Variants in NUP214 observed in about 807,000 individuals in gnomAD.
The protein encoded by NUP214 is nucleoporin 214.
Under a neutral mutation model 196.2 loss-of-function variants are expected in NUP214, and 79 were observed. The observed-to-expected ratio is 0.40, with a 90% CI of 0.34 to 0.49. The LOEUF is 0.49. NUP214 is among the 20% of genes least tolerant of loss of function. The pLI, the probability that NUP214 is intolerant of heterozygous loss-of-function variation, is 0.58. For synonymous variants in NUP214, 1,020 were observed against 990.5 expected, an observed-to-expected ratio of 1.03 and a Z score of -0.56; for missense variants, 2,468 against 2,539.0, an observed-to-expected ratio of 0.97 and a Z score of 0.60.
intron 18 of NUP214, among the ~76,000 whole-genome samples, chr9:131,161,527 G>T (rs1016896570): frequency 5.9e-5 from 9 of 152,140 alleles, no homozygotes; most frequent in Non-Finnish European, 1.3e-4. Context: ...AGAGTGCTGG[G>T]ATTACAGGCG....
intron 18 of NUP214, among the ~76,000 whole-genome samples, chr9:131,160,255 G>C (rs1367769473): frequency 6.6e-6 from 1 of 152,080 alleles, no homozygotes; most frequent in Non-Finnish European, 1.5e-5. Flanking sequence ...TGGCTAATAA[G>C]AATGTGGAGG....
At chr9:131,182,556 C>T (rs996843265) in intron 24 of NUP214, among the ~76,000 whole-genome samples, 2 of 152,174 alleles carry the variant, frequency 1.3e-5, no homozygotes, top group African/African-American at 2.4e-5. Flanking sequence ...CTCCGCTGTC[C>T]GTCTGTGGAA....
chr9:131,190,969 C>T (rs1230314630), intron 26 of NUP214: 2 of 152,198 alleles, frequency 1.3e-5, no homozygotes, highest in Non-Finnish European at 2.9e-5. Flanking sequence ...TTAACTAGTA[C>T]TCTGCTGATG....
chr9:131,190,648 G>A (rs1008252582), intron 26 of NUP214: 1 of 511,106 alleles, frequency 2.0e-6, no homozygotes, highest in Non-Finnish European at 3.4e-6. Flanking sequence ...TTTTCTGATT[G>A]TAAAACTATT....
intron 24 of NUP214, among the ~76,000 whole-genome samples, chr9:131,186,780 G>C (rs1833460242): frequency 6.6e-6 from 1 of 152,250 alleles, no homozygotes; most frequent in South Asian, 2.1e-4. Flanking sequence ...GAATGGAACA[G>C]TGGTACATTT....
intron 1 of NUP214, chr9:131,126,275 A>C (rs1292412024): frequency 6.5e-6 from 1 of 154,938 alleles, no homozygotes; most frequent in South Asian, 1.7e-4. Context: ...TAGGAAGACT[A>C]TTTTGACCTC....
Position 131,232,564 on chromosome 9 carries a change from AGCTGGGCCTGAGGGCAGCGCTGAGGAGAT to A in NUP214, c.6239+261_6239+289del. The A allele has an allele frequency of 3.5e-6, 2 of 571,182 alleles. No homozygotes were observed. 35.4% of individuals were successfully genotyped at this position (571,182 alleles called of 1,614,324 possible). A position where few individuals can be genotyped will look rare whatever the true frequency, so the allele number is the denominator to read the frequency against. On this transcript the variant is annotated intron_variant, in intron 35 of 35. Coordinates refer to ENST00000359428, the MANE Select transcript of NUP214 (RefSeq NM_005085.4). This position sits in a 1 kb window ranked among gnomAD's most constrained non-coding sequence, Gnocchi z 5.1. ...AGAGAAAAGAGCACGCCTGCCAGTGAGCTGGGCCTGAGGGCAGCGCTGAGGAGATGCTGCTCCTGACTTCCCTGGAGGTT... is the reference window on the plus strand; with the variant it reads ...AGAGAAAAGAGCACGCCTGCCAGTGAGCTGCTCCTGACTTCCCTGGAGGTT...
chr9:131,217,794 C>T (rs1369730406), intron 31 of NUP214, among the ~76,000 whole-genome samples: 2 of 152,196 alleles, frequency 1.3e-5, no homozygotes, highest in East Asian at 1.9e-4. Flanking sequence ...TATAAACATT[C>T]GTTTACTCAT....
chr9:131,217,618 CAGCT>C (rs1384383401), intron 31 of NUP214, among the ~76,000 whole-genome samples: 1 of 152,208 alleles, frequency 6.6e-6, no homozygotes, highest in Admixed American at 6.5e-5. Context: ...ATATAGAACT[CAGCT>C]AGACTATATG....
At chr9:131,173,986 G>A in intron 21 of NUP214, 69 bp from the exon 22 acceptor site, 1 of 1,530,012 alleles carries the variant, frequency 6.5e-7, no homozygotes, top group Non-Finnish European at 8.8e-7. Context: ...TTTATCAACA[G>A]TGAAAATTAC....
chr9:131,173,413 G>A (rs1217231948), intron 21 of NUP214, among the ~76,000 whole-genome samples: 1 of 59,776 alleles, frequency 1.7e-5, no homozygotes, highest in Admixed American at 2.6e-4. Context: ...CCTATTTTTT[G>A]TAGAGACAGG....
chr9:131,132,803 G>C (rs1831596472), intron 6 of NUP214, 144 bp downstream of exon 6: 6 of 736,736 alleles, frequency 8.1e-6, no homozygotes, highest in South Asian at 1.8e-5. Context: ...AGCTAATTAA[G>C]TCAGTGTAAA....
At chr9:131,136,170 G>A (rs1438500724) in intron 9 of NUP214, among the ~76,000 whole-genome samples, 164 bp downstream of exon 9, 2 of 152,218 alleles carry the variant, frequency 1.3e-5, no homozygotes, top group Non-Finnish European at 2.9e-5. Flanking sequence ...CTCCCAAGTA[G>A]CTGGGACTGT....
intron 30 of NUP214, among the ~76,000 whole-genome samples, chr9:131,209,091 C>G (rs1834163862): frequency 6.6e-6 from 1 of 151,566 alleles, no homozygotes. Context: ...TATGCTAAGG[C>G]TGGGCGCAGT....
intron 17 of NUP214, among the ~76,000 whole-genome samples, chr9:131,153,925 G>A (rs569851511): frequency 5.3e-5 from 8 of 152,350 alleles, no homozygotes; most frequent in African/African-American, 9.6e-5. Context: ...ATGTTGCTAT[G>A]GGACCACAGG....
At chr9:131,170,943 A>G (rs1324621856) in intron 21 of NUP214, among the ~76,000 whole-genome samples, 1 of 152,170 alleles carries the variant, frequency 6.6e-6, no homozygotes, top group East Asian at 1.9e-4. Context: ...TGCTGCATCT[A>G]CTGAGATGAT....
intron 30 of NUP214, among the ~76,000 whole-genome samples, chr9:131,204,392 G>GC (rs1381861391): frequency 6.6e-6 from 1 of 152,218 alleles, no homozygotes; most frequent in African/African-American, 2.4e-5. Flanking sequence ...ACTGAAAGGA[G>GC]CAGTGGTGCT....
At chr9:131,222,556 A>G in intron 31 of NUP214, 1 of 428,942 alleles carries the variant, frequency 2.3e-6, no homozygotes, top group Admixed American at 4.0e-5. Context: ...CATGCCAGGA[A>G]ATCCTGAGCC....
intron 31 of NUP214, among the ~76,000 whole-genome samples, chr9:131,217,549 C>G (rs1355275159): frequency 6.6e-6 from 1 of 152,210 alleles, no homozygotes; most frequent in Non-Finnish European, 1.5e-5. Context: ...TATGGCTCTT[C>G]ATTTTCCATT....
Sources: allele counts gnomAD v4.1 joint callset (sites outside exome capture counted in the v4.1 genomes callset), GRCh38; gene constraint gnomAD v4.1.1; non-coding constraint Gnocchi (gnomAD v3.1); transcripts MANE v1.5; gene names NCBI Gene and HGNC (gene_info 2026-07-23, HGNC 2026-07-21).